DOK6: variants seen among roughly 807,000 people sequenced by gnomAD.
DOK6 encodes downstream of tyrosine kinase 6.
In DOK6, 22 loss-of-function variants were observed where a neutral mutation model predicts 44.0. The ratio of observed to expected loss-of-function variants is 0.50; its 90% confidence interval spans 0.36 to 0.71. The LOEUF is 0.71. DOK6 is among the 30% of genes least tolerant of loss of function. The pLI, the probability that DOK6 is intolerant of heterozygous loss-of-function variation, is 0.00. For missense variants in DOK6, 340 were observed against 416.4 expected, an observed-to-expected ratio of 0.82 and a Z score of 1.60; for synonymous variants, 166 against 145.5, an observed-to-expected ratio of 1.14 and a Z score of -1.01.
At chr18:69,675,836 T>C (rs1213031026) in intron 3 of DOK6, among the ~76,000 whole-genome samples, 1 of 152,224 alleles carries the variant, frequency 6.6e-6, no homozygotes, top group Admixed American at 6.5e-5. Context: ...ATATATCTAA[T>C]AAAAGTACGT....
At chr18:69,719,151 G>A (rs1465548727) in intron 5 of DOK6, among the ~76,000 whole-genome samples, 1 of 152,182 alleles carries the variant, frequency 6.6e-6, no homozygotes, top group Non-Finnish European at 1.5e-5. Flanking sequence ...TGGAAGGACA[G>A]GAGATGTTTC....
intron 1 of DOK6, among the ~76,000 whole-genome samples, chr18:69,421,026 T>C (rs191464968): frequency 1.3e-5 from 2 of 152,312 alleles, no homozygotes; most frequent in Admixed American, 1.3e-4. Flanking sequence ...TTCCCTGTTA[T>C]GTGTGCAGTC....
At chr18:69,628,227 AC>A (rs1330886704) in intron 3 of DOK6, among the ~76,000 whole-genome samples, 1 of 152,158 alleles carries the variant, frequency 6.6e-6, no homozygotes, top group Non-Finnish European at 1.5e-5. Context: ...GGTGGCTCAC[AC>A]CTGTAATCTC....
intron 7 of DOK6, among the ~76,000 whole-genome samples, chr18:69,828,808 A>T (rs568254207): frequency 8.2e-5 from 12 of 145,530 alleles, no homozygotes; most frequent in African/African-American, 2.9e-4. Context: ...ATAGTTGCAT[A>T]TCCACTTATG....
intron 1 of DOK6, among the ~76,000 whole-genome samples, chr18:69,562,738 G>A (rs1031506555): frequency 3.9e-5 from 6 of 152,112 alleles, no homozygotes; most frequent in Admixed American, 1.3e-4. Context: ...ACATAGGCAT[G>A]GGCAAGGACT....
intron 2 of DOK6, 117 bp from the exon 3 acceptor site, chr18:69,599,267 A>T: frequency 1.4e-6 from 1 of 731,446 alleles, no homozygotes; most frequent in Non-Finnish European, 2.2e-6. Context: ...ATTCAGAATG[A>T]GTACAAATAT....
chr18:69,463,592 C>T (rs1288088013), intron 1 of DOK6, among the ~76,000 whole-genome samples: 2 of 152,160 alleles, frequency 1.3e-5, no homozygotes, highest in African/African-American at 4.8e-5. Flanking sequence ...GAGAACTCCA[C>T]AGAGCACTTC....
intron 4 of DOK6, among the ~76,000 whole-genome samples, chr18:69,698,175 T>G (rs933356595): frequency 1.3e-5 from 2 of 152,240 alleles, no homozygotes; most frequent in Admixed American, 6.5e-5. Context: ...ATACATGCAA[T>G]GAAAAGTCGT....
intron 4 of DOK6, among the ~76,000 whole-genome samples, chr18:69,692,589 A>G (rs541995961): frequency 3.3e-5 from 5 of 152,240 alleles, no homozygotes; most frequent in East Asian, 1.9e-4. Context: ...TTGATTGTAT[A>G]TAGAAGTGAG....
chr18:69,704,744 G>C (rs1246301878), intron 5 of DOK6, among the ~76,000 whole-genome samples: 3 of 152,188 alleles, frequency 2.0e-5, no homozygotes, highest in African/African-American at 7.2e-5. Flanking sequence ...CTCCCAAAGT[G>C]CTGGGATTAC....
intron 1 of DOK6, among the ~76,000 whole-genome samples, chr18:69,508,308 T>C (rs1981253221): frequency 1.3e-5 from 2 of 152,168 alleles, no homozygotes; most frequent in South Asian, 4.1e-4. Flanking sequence ...TACATTGGTC[T>C]GTAGCTTTAT....
chr18:69,673,368 A>G (rs963001421), intron 3 of DOK6, among the ~76,000 whole-genome samples: 1 of 152,228 alleles, frequency 6.6e-6, no homozygotes, highest in Non-Finnish European at 1.5e-5. Flanking sequence ...TACTTAGTCA[A>G]TAGGCATTTA....
intron 1 of DOK6, among the ~76,000 whole-genome samples, chr18:69,459,512 C>T (rs1568265032): frequency 1.3e-5 from 2 of 151,460 alleles, no homozygotes; most frequent in Non-Finnish European, 2.9e-5. Context: ...TCATTGTTCA[C>T]CTGCTATTAC....
At chr18:69,722,013 G>A (rs1978289340) in intron 5 of DOK6, among the ~76,000 whole-genome samples, 1 of 152,074 alleles carries the variant, frequency 6.6e-6, no homozygotes, top group South Asian at 2.1e-4. Context: ...GTATGGATTT[G>A]GAATATTATG....
chr18:69,563,827 T>G (rs1364386210), intron 1 of DOK6, among the ~76,000 whole-genome samples: 7 of 152,014 alleles, frequency 4.6e-5, no homozygotes, highest in Admixed American at 4.6e-4. Flanking sequence ...CAGGTGTGTG[T>G]GTTCAAATCC....
intron 7 of DOK6, among the ~76,000 whole-genome samples, chr18:69,828,884 G>GTATATATATATATATATATACATATATA (rs74175393): frequency 1.1e-5 from 1 of 90,172 alleles, no homozygotes; most frequent in Admixed American, 1.4e-4. Context: ...ACATTTATGT[G>GTATATATATATATATATATACATATATA]TATATATATA....
chr18:69,628,429 G>T (rs529836273), intron 3 of DOK6, among the ~76,000 whole-genome samples: 1 of 152,094 alleles, frequency 6.6e-6, no homozygotes, highest in African/African-American at 2.4e-5. Context: ...GGCAGAACTT[G>T]CAGTGAGCCA....
chr18:69,761,554 T>A (rs555460832), intron 7 of DOK6, among the ~76,000 whole-genome samples: 11 of 152,274 alleles, frequency 7.2e-5, no homozygotes, highest in African/African-American at 2.6e-4. Flanking sequence ...TTTCTGTAAC[T>A]GCTTCCTGCT....
intron 5 of DOK6, among the ~76,000 whole-genome samples, chr18:69,730,396 A>C (rs1288597501): frequency 6.6e-6 from 1 of 152,242 alleles, no homozygotes; most frequent in Non-Finnish European, 1.5e-5. Flanking sequence ...CAGCAGGAGA[A>C]ACAGAAGTGG....
Sources: gnomAD v4.1 joint callset for allele counts (sites outside exome capture counted in the v4.1 genomes callset) on GRCh38, gnomAD v4.1.1 for gene constraint, MANE v1.5 for transcripts, NCBI Gene and HGNC (gene_info 2026-07-23, HGNC 2026-07-21) for gene names.